Variants in AGBL4 observed in about 807,000 individuals in gnomAD.
AGBL4 encodes the protein cytosolic carboxypeptidase 6.
In AGBL4, 58 loss-of-function variants were observed where a neutral mutation model predicts 66.4. The ratio of observed to expected loss-of-function variants is 0.87; its 90% CI spans 0.71 to 1.09. The LOEUF is 1.09. Ranked by LOEUF, AGBL4 falls within the 50% of genes least tolerant of loss-of-function variation. AGBL4 has a pLI of 0.00. For synonymous variants in AGBL4, 234 were observed against 222.9 expected (o/e 1.05, Z -0.44); for missense variants, 579 against 631.0 (o/e 0.92, Z 0.88).
chr1:48,551,585 T>TGA lies in AGBL4; in HGVS notation c.1268-11849_1268-11848dup, dbSNP rs538470228. ...AAAGCAAGACAAAAACAAATCAAGA[T>TGA]GAGAGAGAGAGAAAGAAAAGAACAG... On this transcript the variant is annotated intron_variant, in intron 11 of 13. Coordinates refer to ENST00000371839, the MANE Select transcript of AGBL4 (RefSeq NM_032785.4). Among the ~76,000 whole-genome samples, 43 of 151,728 alleles carry TGA rather than the reference T, an allele frequency of 2.8e-4. No homozygotes were observed. In the South Asian group the frequency reaches 8.6e-3, roughly 30 times the overall value.
At chr1:49,194,074 T>C (rs1253184145) in intron 4 of AGBL4, among the ~76,000 whole-genome samples, 1 of 152,194 alleles carries the variant, frequency 6.6e-6, no homozygotes, top group Non-Finnish European at 1.5e-5. Context: ...CTTTGTTGAT[T>C]TTCTGTCTCA....
chr1:49,135,302 A>G (rs940757710), intron 4 of AGBL4, among the ~76,000 whole-genome samples: 4 of 152,176 alleles, frequency 2.6e-5, no homozygotes, highest in African/African-American at 9.6e-5. Flanking sequence ...GCAAAAACCC[A>G]GAGTATTTTT....
chr1:48,888,165 G>T (rs188132194), intron 5 of AGBL4, among the ~76,000 whole-genome samples: 1 of 152,238 alleles, frequency 6.6e-6, no homozygotes, highest in African/African-American at 2.4e-5. Flanking sequence ...TCACACCAGG[G>T]CTGTCCTGGC....
chr1:49,416,063 C>T (rs957268753), intron 3 of AGBL4, among the ~76,000 whole-genome samples: 2 of 152,044 alleles, frequency 1.3e-5, no homozygotes, highest in Admixed American at 1.3e-4. Flanking sequence ...AAAATATCAG[C>T]TTTCCAATGA....
chr1:49,531,475 G>T (rs544208741), intron 3 of AGBL4, among the ~76,000 whole-genome samples: 1 of 152,136 alleles, frequency 6.6e-6, no homozygotes, highest in East Asian at 1.9e-4. Context: ...GAAAAAATGA[G>T]AATAACCAAA....
At chr1:48,880,771 G>A (rs1480750150) in intron 5 of AGBL4, among the ~76,000 whole-genome samples, 1 of 152,068 alleles carries the variant, frequency 6.6e-6, no homozygotes, top group Non-Finnish European at 1.5e-5. Flanking sequence ...CATTGTCTAA[G>A]TATCTGTGTT....
At chr1:49,786,824 A>G (rs1229985989) in intron 2 of AGBL4, among the ~76,000 whole-genome samples, 1 of 152,222 alleles carries the variant, frequency 6.6e-6, no homozygotes. Flanking sequence ...CATTCTGCTT[A>G]GAAATTTCCT....
At chr1:49,438,372 C>G (rs924256095) in intron 3 of AGBL4, among the ~76,000 whole-genome samples, 1 of 152,058 alleles carries the variant, frequency 6.6e-6, no homozygotes, top group Non-Finnish European at 1.5e-5. Flanking sequence ...TATTTAAACA[C>G]GAAAACAGAA....
At position 48,934,615 on chromosome 1, in the gene AGBL4, T is replaced by C. The variant is rs181223822; in HGVS notation, c.595-67385A>G. On this transcript the variant is annotated intron_variant, in intron 5 of 13. Coordinates refer to ENST00000371839, the MANE Select transcript of AGBL4 (RefSeq NM_032785.4). ...CCCCCAACATGCTCTTCCTCCAGAA[T>C]TCCTTATCCCAGGAAAGGGCATCAC... 3.1e-3 allele frequency among the ~76,000 whole-genome samples: 474 copies of C among 152,230 alleles called. 2 individuals are homozygous for C. The highest frequency in any genetic ancestry group is 0.01 in the African/African-American group (424 of 41,542).
intron 5 of AGBL4, among the ~76,000 whole-genome samples, chr1:48,953,065 C>G (rs1194096200): frequency 6.6e-6 from 1 of 152,094 alleles, no homozygotes; most frequent in Non-Finnish European, 1.5e-5. Context: ...TGAGGATCAA[C>G]TGAGATAATG....
intron 2 of AGBL4, among the ~76,000 whole-genome samples, chr1:49,699,905 A>AT (rs1216633417): frequency 6.6e-6 from 1 of 151,926 alleles, no homozygotes; most frequent in Non-Finnish European, 1.5e-5. Flanking sequence ...TTTACCATGC[A>AT]TACATATACC....
chr1:49,161,336 G>A (rs1453781195), intron 4 of AGBL4, among the ~76,000 whole-genome samples: 1 of 152,152 alleles, frequency 6.6e-6, no homozygotes, highest in Non-Finnish European at 1.5e-5. Context: ...CTTCCTGGGT[G>A]AGGTGATGCC....
At chr1:48,935,171 C>T (rs1206739209) in intron 5 of AGBL4, among the ~76,000 whole-genome samples, 1 of 152,110 alleles carries the variant, frequency 6.6e-6, no homozygotes, top group Non-Finnish European at 1.5e-5. Flanking sequence ...GTGTTATTTC[C>T]AAAATATGCA....
chr1:49,089,590 G>C (rs936550663), intron 4 of AGBL4, among the ~76,000 whole-genome samples: 4 of 152,040 alleles, frequency 2.6e-5, no homozygotes, highest in Non-Finnish European at 5.9e-5. Flanking sequence ...TTCTGAAATT[G>C]AATCAGTAAT....
At chr1:48,629,930 A>C (rs539748360) in intron 9 of AGBL4, among the ~76,000 whole-genome samples, 1 of 152,284 alleles carries the variant, frequency 6.6e-6, no homozygotes, top group African/African-American at 2.4e-5. Context: ...TTCTAAAACC[A>C]AGTCACAGAA....
In AGBL4 at chr1:50,023,690, G is replaced by A. The variant is rs1052258032; in HGVS notation, c.34+73C>T. On this transcript the variant is annotated intron_variant, in intron 1 of 13. Transcript: ENST00000371839. The stretch of plus-strand genomic sequence containing the variant: ...CCTCCTCAGGAGTAGGACCATGCCC[G>A]AGTCCCCTGTTGCCTGAGACCCAGG... The A allele has an allele frequency of 3.4e-6, 5 of 1,491,334 alleles. No homozygotes were observed. The African/African-American group carries it at 5.7e-5, about 17-fold the overall frequency. 92.4% of individuals were successfully genotyped at this position (1,491,334 alleles called of 1,614,324 possible). A position where few individuals can be genotyped will look rare whatever the true frequency, so the allele number is the denominator to read the frequency against.
At chr1:49,464,568 G>A (rs1646584650) in intron 3 of AGBL4, among the ~76,000 whole-genome samples, 1 of 151,752 alleles carries the variant, frequency 6.6e-6, no homozygotes, top group African/African-American at 2.4e-5. Flanking sequence ...ACACAAAGGC[G>A]ACTTTAACAT....
chr1:49,883,370 C>G (rs189205191), intron 1 of AGBL4, among the ~76,000 whole-genome samples: 1 of 152,062 alleles, frequency 6.6e-6, no homozygotes, highest in African/African-American at 2.4e-5. Flanking sequence ...GAAGTCATAT[C>G]TGACTTCCCC....
chr1:49,452,968 A>T (rs747227270), intron 3 of AGBL4, among the ~76,000 whole-genome samples: 1 of 151,934 alleles, frequency 6.6e-6, no homozygotes, highest in African/African-American at 2.4e-5. Context: ...ATAGTCAGGC[A>T]CATAGTAGAT....
Sources: gnomAD v4.1 joint callset for allele counts (sites outside exome capture counted in the v4.1 genomes callset) on GRCh38, gnomAD v4.1.1 for gene constraint, MANE v1.5 for transcripts, NCBI Gene and HGNC (gene_info 2026-07-23, HGNC 2026-07-21) for gene names.